Variants in NOL4 observed in about 807,000 individuals in gnomAD.
NOL4 encodes the protein nucleolar protein 4, also known as cancer/testis antigen 125.
NOL4 carries 17 observed loss-of-function variants against 75.9 expected under a neutral mutation model. The ratio of observed to expected loss-of-function variants is 0.22; its 90% CI spans 0.15 to 0.34. NOL4 has a LOEUF of 0.34. Ranked by LOEUF, NOL4 falls within the 10% of genes least tolerant of loss-of-function variation. The pLI is 1.00. For synonymous variants in NOL4, 292 were observed against 289.9 expected, an observed-to-expected ratio of 1.01 and a Z score of -0.07; for missense variants, 614 against 793.5, an observed-to-expected ratio of 0.77 and a Z score of 2.72.
intron 10 of NOL4, among the ~76,000 whole-genome samples, chr18:33,882,812 T>C (rs2064377772): frequency 6.6e-6 from 1 of 151,858 alleles, no homozygotes; most frequent in South Asian, 2.1e-4. Flanking sequence ...AACCCAAATG[T>C]CCAACAATGA....
intron 5 of NOL4, among the ~76,000 whole-genome samples, chr18:34,043,998 A>G (rs2076252594): frequency 1.3e-5 from 2 of 152,260 alleles, no homozygotes; most frequent in South Asian, 2.1e-4. Context: ...AAGAAGATAG[A>G]GAAATTGTAA....
chr18:33,927,486 T>C lies in NOL4; in HGVS notation c.1542+15579A>G, dbSNP rs566685239. Among the ~76,000 whole-genome samples, 23 of 152,272 alleles carry C rather than the reference T, an allele frequency of 1.5e-4. No individual in the cohort carries two copies. The South Asian group carries it at 4.8e-3, about 32-fold the overall frequency. On this transcript the variant is annotated intron_variant, in intron 9 of 10. Transcript: ENST00000261592. ...GGTGTAAATAGGAACAAGTACAGCC[T>C]GTCCTGCAGTCATCTAAGAGTCAGT...
chr18:34,162,304 T>C (rs1004586664), intron 1 of NOL4, among the ~76,000 whole-genome samples: 6 of 151,942 alleles, frequency 3.9e-5, no homozygotes, highest in African/African-American at 7.3e-5. Flanking sequence ...GAGGAGATGG[T>C]TTTTTGAAAG....
chr18:34,030,037 G>A (rs899699690), intron 5 of NOL4, among the ~76,000 whole-genome samples: 1 of 152,144 alleles, frequency 6.6e-6, no homozygotes, highest in African/African-American at 2.4e-5. Flanking sequence ...CTATAATTCA[G>A]TGATTCTGTG....
At chr18:34,022,543 T>G (rs1184878971) in intron 5 of NOL4, among the ~76,000 whole-genome samples, 1 of 152,118 alleles carries the variant, frequency 6.6e-6, no homozygotes, top group Non-Finnish European at 1.5e-5. Context: ...ATTCAAATTC[T>G]TACGCTAAAT....
intron 1 of NOL4, among the ~76,000 whole-genome samples, chr18:34,144,293 A>C (rs1163428061): frequency 1.3e-5 from 2 of 152,152 alleles, no homozygotes; most frequent in Non-Finnish European, 2.9e-5. Context: ...GAGTTAGTAC[A>C]ATCCAGCTCC....
chr18:33,932,393 A>G (rs2067756736), intron 9 of NOL4, among the ~76,000 whole-genome samples: 1 of 152,096 alleles, frequency 6.6e-6, no homozygotes, highest in Non-Finnish European at 1.5e-5. Context: ...TTTAATAGGC[A>G]TATACCTATA....
intron 1 of NOL4, among the ~76,000 whole-genome samples, chr18:34,209,858 G>A (rs1199325144): frequency 6.6e-6 from 1 of 152,144 alleles, no homozygotes; most frequent in Non-Finnish European, 1.5e-5. Context: ...AGGGTTCTCA[G>A]GCTCTTATGG....
intron 5 of NOL4, among the ~76,000 whole-genome samples, chr18:34,021,674 A>G (rs1167806298): frequency 2.0e-5 from 3 of 152,162 alleles, no homozygotes; most frequent in African/African-American, 7.2e-5. Flanking sequence ...AAGTCATCTA[A>G]TTTGGCATAT....
intron 5 of NOL4, among the ~76,000 whole-genome samples, chr18:34,079,603 C>A (rs913410968): frequency 6.6e-6 from 1 of 152,134 alleles, no homozygotes; most frequent in African/African-American, 2.4e-5. Context: ...AACTACCCTG[C>A]CACAGGGACA....
At chr18:34,090,878 G>T (rs1568328980) in intron 5 of NOL4, among the ~76,000 whole-genome samples, 1 of 152,122 alleles carries the variant, frequency 6.6e-6, no homozygotes, top group Non-Finnish European at 1.5e-5. Flanking sequence ...TTTTGCAGGG[G>T]TGGTGCAGAG....
At chr18:34,128,615 A>G (rs1303578974) in intron 2 of NOL4, among the ~76,000 whole-genome samples, 2 of 151,852 alleles carry the variant, frequency 1.3e-5, no homozygotes, top group Non-Finnish European at 1.5e-5. Context: ...AGTCAAAAGA[A>G]AGTTTATGTG....
At chr18:34,059,253 C>A (rs956086566) in intron 5 of NOL4, among the ~76,000 whole-genome samples, 3 of 151,094 alleles carry the variant, frequency 2.0e-5, no homozygotes, top group Non-Finnish European at 4.4e-5. Flanking sequence ...AAAATACCCC[C>A]GATTCAAAGT....
intron 1 of NOL4, among the ~76,000 whole-genome samples, chr18:34,151,389 T>C (rs1244658203): frequency 3.8e-4 from 58 of 151,772 alleles, no homozygotes; most frequent in Admixed American, 3.8e-3. Context: ...AAATGAACTA[T>C]CAAGCCATGA....
At chr18:34,199,950 A>T (rs935558833) in intron 1 of NOL4, among the ~76,000 whole-genome samples, 2 of 151,868 alleles carry the variant, frequency 1.3e-5, no homozygotes, top group African/African-American at 4.8e-5. Context: ...CTGGATACCA[A>T]CAAGAGCAGC....
chr18:34,160,143 A>T (rs888230912), intron 1 of NOL4, among the ~76,000 whole-genome samples: 3 of 152,192 alleles, frequency 2.0e-5, no homozygotes, highest in African/African-American at 7.2e-5. Flanking sequence ...GCTTTCCAAT[A>T]TATCAAAAGG....
At chr18:34,047,136 C>G (rs1044954876) in intron 5 of NOL4, among the ~76,000 whole-genome samples, 2 of 152,118 alleles carry the variant, frequency 1.3e-5, no homozygotes, top group African/African-American at 4.8e-5. Context: ...CTGTTCAACT[C>G]TAGGACCAAT....
At chr18:33,882,100 C>A (rs553902948) in intron 10 of NOL4, among the ~76,000 whole-genome samples, 1 of 152,114 alleles carries the variant, frequency 6.6e-6, no homozygotes, top group African/African-American at 2.4e-5. Flanking sequence ...ACCATAAAAA[C>A]CCTAGAAGAA....
chr18:33,946,998 A>G (rs1190646986), intron 8 of NOL4, among the ~76,000 whole-genome samples: 1 of 151,684 alleles, frequency 6.6e-6, no homozygotes, highest in African/African-American at 2.4e-5. Flanking sequence ...TGCTTCTAAT[A>G]TTAATGAGCC....
Sources: allele counts gnomAD v4.1 joint callset (sites outside exome capture counted in the v4.1 genomes callset), GRCh38; gene constraint gnomAD v4.1.1; transcripts MANE v1.5; gene names NCBI Gene and HGNC (gene_info 2026-07-23, HGNC 2026-07-21).